LSP1: variants seen among roughly 807,000 people sequenced by gnomAD.
LSP1 encodes the protein lymphocyte-specific protein 1.
A neutral mutation model predicts 49.3 loss-of-function variants in LSP1; 32 were observed. That is an observed-to-expected ratio of 0.65 (90% CI 0.49 to 0.87). LSP1 has a LOEUF of 0.87. Ranked by LOEUF, LSP1 falls within the 40% of genes least tolerant of loss-of-function variation. The pLI is 0.00. For missense variants in LSP1, 428 were observed against 442.6 expected, an observed-to-expected ratio of 0.97 and a Z score of 0.30; for synonymous variants, 179 against 178.8, an observed-to-expected ratio of 1.00 and a Z score of -0.01.
At chr11:1,871,025 G>A (rs1178717213) in intron 1 of LSP1, 1 of 985,512 alleles carries the variant, frequency 1.0e-6, no homozygotes, top group African/African-American at 1.7e-5. Context: ...GCACCGAGTG[G>A]GGCTGCATGT....
chr11:1,873,449 C>T (rs1354641388), intron 1 of LSP1, among the ~76,000 whole-genome samples: 8 of 135,046 alleles, frequency 5.9e-5, no homozygotes, highest in East Asian at 5.5e-4. Context: ...CTCACTCCTC[C>T]GTCTTTGGGT....
At chr11:1,885,986 C>G (rs1848733457) in intron 7 of LSP1, among the ~76,000 whole-genome samples, 1 of 152,198 alleles carries the variant, frequency 6.6e-6, no homozygotes, top group Non-Finnish European at 1.5e-5. Context: ...CAATATTCCT[C>G]CATCCAATTA....
At chr11:1,874,855 G>A (rs1848240998) in intron 1 of LSP1, among the ~76,000 whole-genome samples, 1 of 152,078 alleles carries the variant, frequency 6.6e-6, no homozygotes, top group South Asian at 2.1e-4. Flanking sequence ...GGAGAGGCCC[G>A]GCAGGGCCCC....
intron 1 of LSP1, among the ~76,000 whole-genome samples, chr11:1,856,627 C>A (rs987737515): frequency 3.9e-5 from 6 of 152,236 alleles, no homozygotes; most frequent in Non-Finnish European, 7.3e-5. Flanking sequence ...TCCTTCTGGC[C>A]ATCTGTCCCT....
At position 1,884,541 on chromosome 11, in the gene LSP1, A is replaced by G. The variant is rs1251749609; in HGVS notation, c.677A>G (p.Lys226Arg). The change falls in exon 7 of 11, where the codon AAG becomes AGG. Residue 226 changes from lysine (K) to arginine (R), a missense_variant. By Grantham distance (26) the Lys-to-Arg change is conservative (BLOSUM62 2). Transcript: ENST00000311604. This position sits in a 1 kb window ranked among gnomAD's most constrained non-coding sequence, Gnocchi z 4.1. Reference sequence around the variant, plus strand: ...TCCCAGCCAGACTTGCCCATCTCCAAGATTGATCAGTGGCTGGAACAATAC... The same window carrying G: ...TCCCAGCCAGACTTGCCCATCTCCAGGATTGATCAGTGGCTGGAACAATAC... The part of the protein sequence containing the change: ...KKSQPDLPIS[K>R]IDQWLEQYTQ... 6 of 1,613,812 alleles carry G rather than the reference A, an allele frequency of 3.7e-6. No homozygotes were observed. Among genetic ancestry groups the G allele is most frequent in the Middle Eastern group, 1.6e-4 (1 of 6,080 alleles).
intron 3 of LSP1, 38 bp from the exon 4 acceptor site, chr11:1,883,381 T>C (rs368670582): frequency 3.0e-5 from 48 of 1,608,342 alleles, no homozygotes; most frequent in Non-Finnish European, 4.1e-5. Context: ...AGCAATCCAA[T>C]GGCCCTAGAA....
chr11:1,874,101 C>T (rs373642068), intron 1 of LSP1, among the ~76,000 whole-genome samples: 3 of 13,648 alleles, frequency 2.2e-4, no homozygotes, highest in African/African-American at 4.1e-4. Context: ...GCAGGGAGGC[C>T]GGCAGAGGAG....
chr11:1,857,201 A>C (rs1589804039), intron 1 of LSP1, among the ~76,000 whole-genome samples: 1 of 151,484 alleles, frequency 6.6e-6, no homozygotes, highest in African/African-American at 2.4e-5. Context: ...CACAGGCCCC[A>C]CCCCCGCTGA....
chr11:1,861,264 T>A (rs1183163266), intron 1 of LSP1, among the ~76,000 whole-genome samples: 1 of 152,252 alleles, frequency 6.6e-6, no homozygotes, highest in African/African-American at 2.4e-5. Flanking sequence ...GAACTCCATA[T>A]GCCTTTACCC....
intron 1 of LSP1, among the ~76,000 whole-genome samples, chr11:1,864,947 C>T (rs915254808): frequency 2.0e-5 from 3 of 151,906 alleles, no homozygotes; most frequent in Admixed American, 2.0e-4. Flanking sequence ...ACAAGGAGAA[C>T]ACCAGACAGA....
intron 2 of LSP1, chr11:1,881,175 G>C (rs925461948): frequency 2.3e-6 from 1 of 430,688 alleles, no homozygotes; most frequent in Admixed American, 4.1e-5. Flanking sequence ...AGGAGGCATA[G>C]CCCTGCTGAG....
chr11:1,889,904 G>A (rs1274629505), intron 10 of LSP1: 1 of 627,280 alleles, frequency 1.6e-6, no homozygotes, highest in East Asian at 2.7e-5. Flanking sequence ...GTGGGCGGAT[G>A]TGAGCCACTG....
At chr11:1,871,559 A>C in intron 1 of LSP1, 33 of 842,016 alleles carry the variant, frequency 3.9e-5, no homozygotes, top group Non-Finnish European at 4.7e-5. Flanking sequence ...ACCAGGCTCC[A>C]TTTTCCAGTC....
At chr11:1,890,902 C>G in intron 10 of LSP1, 1 of 356,126 alleles carries the variant, frequency 2.8e-6, no homozygotes, top group South Asian at 4.9e-5. Context: ...GCCCCAAGTA[C>G]ACAGCCTGGG....
In LSP1 at chr11:1,884,645, A is replaced by G. The variant is rs1848684224; in HGVS notation, c.717+64A>G. The G allele has an allele frequency of 7.2e-7, 1 of 1,395,376 alleles. No homozygotes were observed. The highest frequency in any genetic ancestry group is 1.0e-6 in the Non-Finnish European group (1 of 987,192). The allele number at this position is 1,395,376 out of a possible 1,614,324, so 86.4% of individuals were successfully genotyped here. On this transcript the variant is annotated intron_variant, in intron 7 of 10. Transcript: ENST00000311604. The surrounding 1 kb of genome is among the most constrained non-coding windows in gnomAD (Gnocchi z 4.1). ...CATCCTGGCACCATTCCTTCATCCA[A>G]CCAACGCCCTTCCATCCAATCAGTG...
intron 1 of LSP1, among the ~76,000 whole-genome samples, chr11:1,872,085 G>C (rs1269257485): frequency 2.5e-4 from 36 of 142,506 alleles, no homozygotes; most frequent in Non-Finnish European, 4.3e-4. Context: ...GTTGGGGTCT[G>C]TCTGGCTGGC....
At chr11:1,857,257 C>T (rs1490123127) in intron 1 of LSP1, among the ~76,000 whole-genome samples, 1 of 152,220 alleles carries the variant, frequency 6.6e-6, no homozygotes, top group Non-Finnish European at 1.5e-5. Flanking sequence ...TTCCTGGTTC[C>T]CTCGTGTCTC....
chr11:1,865,843 A>G (rs1847772886), intron 1 of LSP1, among the ~76,000 whole-genome samples: 2 of 151,806 alleles, frequency 1.3e-5, no homozygotes, highest in African/African-American at 4.8e-5. Flanking sequence ...ACAGATCATG[A>G]AACTGAACTT....
chr11:1,889,402 AG>A, intron 10 of LSP1: 2 of 692,040 alleles, frequency 2.9e-6, no homozygotes, highest in South Asian at 3.1e-5. Context: ...GAGGTCCGGG[AG>A]GCGGGGGCCC....
Sources: allele counts gnomAD v4.1 joint callset (sites outside exome capture counted in the v4.1 genomes callset), GRCh38; gene constraint gnomAD v4.1.1; non-coding constraint Gnocchi (gnomAD v3.1); transcripts MANE v1.5; gene names NCBI Gene and HGNC (gene_info 2026-07-23, HGNC 2026-07-21).